The following PPDPFL variants were observed in gnomAD, a reference collection of about 807,000 sequenced individuals.
The protein encoded by PPDPFL is pancreatic progenitor cell differentiation and proliferation factor-like protein.
Under a neutral mutation model 12.6 loss-of-function variants are expected in PPDPFL, and 12 were observed. That is an observed-to-expected ratio of 0.95 (90% CI 0.61 to 1.54). The LOEUF (loss-of-function observed/expected upper bound fraction) is 1.54, where lower values mean the gene tolerates loss of function less well. PPDPFL is among the 40% of genes most tolerant of loss of function. The pLI, the probability that PPDPFL is intolerant of heterozygous loss-of-function variation, is 0.00. For synonymous variants in PPDPFL, 24 were observed against 32.7 expected (o/e 0.73, Z 0.91); for missense variants, 114 against 96.0 (o/e 1.19, Z -0.78).
At chr8:49,064,025 C>T (rs1201455796) in intron 1 of PPDPFL, among the ~76,000 whole-genome samples, 30 of 152,118 alleles carry the variant, frequency 2.0e-4, no homozygotes, top group Non-Finnish European at 1.9e-4. Context: ...AGGCATAGAG[C>T]ACTTGCCTGA....
Position 49,075,286 on chromosome 8 carries a change from A to G in PPDPFL, c.*113A>G, listed in dbSNP as rs763530199. On this transcript the variant is annotated 3_prime_UTR_variant, in exon 5 of 5. Coordinates refer to ENST00000522267, the MANE Select transcript of PPDPFL (RefSeq NM_001256597.2). The stretch of plus-strand genomic sequence containing the variant: ...GATCCTCTGCCTGCTGCAGTGGTCC[A>G]TACATGAACAGCTCCCCTTCAGCGC... 8 of 1,611,472 alleles carry G rather than the reference A, an allele frequency of 5.0e-6. No individual in the cohort carries two copies. The South Asian group carries it at 6.6e-5, about 13-fold the overall frequency.
intron 1 of PPDPFL, among the ~76,000 whole-genome samples, chr8:49,066,643 G>A (rs1051913097): frequency 1.3e-5 from 2 of 152,150 alleles, no homozygotes; most frequent in Non-Finnish European, 2.9e-5. Context: ...ATTTTCTGGA[G>A]AACATACTGT....
At chr8:49,059,775 A>G (rs998319014) in intron 1 of PPDPFL, among the ~76,000 whole-genome samples, 2 of 152,256 alleles carry the variant, frequency 1.3e-5, no homozygotes, top group East Asian at 1.9e-4. Context: ...ATCTTGTTAC[A>G]TAAAACTATC....
At chr8:49,066,446 A>G (rs545211691) in intron 1 of PPDPFL, among the ~76,000 whole-genome samples, 64 of 152,128 alleles carry the variant, frequency 4.2e-4, no homozygotes, top group Admixed American at 2.7e-3. Context: ...GGTTCTTGTC[A>G]TTTTCTAAGC....
rs1808408886 is a variant in PPDPFL, at chr8:49,072,490, ACTAC to A, written c.-45+11_-45+14del. 2 of 172,414 alleles carry A rather than the reference ACTAC, an allele frequency of 1.2e-5. No individual in the cohort carries two copies. The highest frequency in any genetic ancestry group is 6.4e-5 in the Admixed American group (1 of 15,740). The allele number at this position is 172,414 out of a possible 1,614,324, so 10.7% of individuals were successfully genotyped here. ...ATTGGAGAAAACAAATCGGTGAGTG[ACTAC>A]CTCATGGCTGAGTTAACACTTCTCT... is the stretch of plus-strand genomic sequence containing the variant. On this transcript the variant is annotated intron_variant, in intron 1 of 4. Transcript: ENST00000522267.
At chr8:49,075,017 T>G (rs562800163) in intron 4 of PPDPFL, 135 bp from the exon 5 acceptor site, 1 of 1,423,804 alleles carries the variant, frequency 7.0e-7, no homozygotes, top group Non-Finnish European at 9.4e-7. Context: ...TAAAGTATTT[T>G]TAAAAGCCAA....
Position 49,072,856 on chromosome 8 carries a change from G to T in PPDPFL, c.26G>T (p.Cys9Phe). 1 of 1,606,416 alleles carries T rather than the reference G, an allele frequency of 6.2e-7. No individual in the cohort carries two copies. ...ATGGCATCCGTACCTTCCATTGGTT[G>T]CCTTCTAGCCAGAAATCAGTATTAT... The part of the protein sequence containing the change: MASVPSIG[C>F]LLARNQYYRK... Residue 9 changes from cysteine to phenylalanine, a missense_variant, in exon 2 of 5, where the codon TGC (cysteine) becomes TTC (phenylalanine). Cys to Phe is a radical substitution (Grantham distance 205). Coordinates refer to ENST00000522267, the MANE Select transcript of PPDPFL (RefSeq NM_001256597.2).
intron 4 of PPDPFL, 23 bp from the exon 5 acceptor site, chr8:49,075,129 T>C: frequency 6.2e-7 from 1 of 1,612,206 alleles, no homozygotes; most frequent in Non-Finnish European, 8.5e-7. Flanking sequence ...CCCTCCTCTC[T>C]GACTACTATA....
chr8:49,062,060 C>T (rs775187431), intron 1 of PPDPFL, among the ~76,000 whole-genome samples: 11 of 152,332 alleles, frequency 7.2e-5, no homozygotes, highest in Non-Finnish European at 1.5e-4. Context: ...GGACAAATAA[C>T]CTGCATGAGT....
chr8:49,076,087 A>G lies in PPDPFL; in HGVS notation c.*914A>G, dbSNP rs1808496232. 6.6e-6 allele frequency: 1 copy of G among 152,190 alleles called. No individual in the cohort carries two copies. The highest frequency in any genetic ancestry group is 2.4e-5 in the African/African-American group (1 of 41,456). The allele number at this position is 152,190 out of a possible 1,614,324, so 9.4% of individuals were successfully genotyped here. ...TAGAAAATAATAAATGTTAATATAA[A>G]AAAGCACTGAAATTTTCTGCATAAG... On this transcript the variant is annotated 3_prime_UTR_variant, in exon 5 of 5. Coordinates refer to ENST00000522267, the MANE Select transcript of PPDPFL (RefSeq NM_001256597.2).
At chr8:49,068,950 A>G (rs961294304), upstream of PPDPFL, among the ~76,000 whole-genome samples, 39 of 152,200 alleles carry the variant, frequency 2.6e-4, no homozygotes, top group African/African-American at 8.7e-4. Flanking sequence ...AGGAAAAAAT[A>G]CAGTTAAAGG....
At position 49,075,574 on chromosome 8, in the gene PPDPFL, T is replaced by C. The variant is rs1808483243; in HGVS notation, c.*401T>C. The C allele has an allele frequency of 3.0e-6, 1 of 334,598 alleles. No individual in the cohort carries two copies. Among genetic ancestry groups the C allele is most frequent in the Non-Finnish European group, 5.5e-6 (1 of 182,312 alleles). 20.7% of individuals were successfully genotyped at this position (334,598 alleles called of 1,614,324 possible). ...TAGCTCTTTCATTTTTTATATCATT[T>C]TTATTAAAAAAACTTAAGTTAGACT... On this transcript the variant is annotated 3_prime_UTR_variant, in exon 5 of 5. Coordinates refer to ENST00000522267, the MANE Select transcript of PPDPFL (RefSeq NM_001256597.2).
At chr8:49,064,007 G>A (rs770850981) in intron 1 of PPDPFL, among the ~76,000 whole-genome samples, 6 of 152,090 alleles carry the variant, frequency 3.9e-5, no homozygotes, top group Non-Finnish European at 7.4e-5. Flanking sequence ...ATGGAGGGTT[G>A]GTCATGCAGG....
intron 1 of PPDPFL, among the ~76,000 whole-genome samples, chr8:49,061,776 T>A (rs1808209112): frequency 6.6e-6 from 1 of 152,204 alleles, no homozygotes; most frequent in Non-Finnish European, 1.5e-5. Flanking sequence ...GTGAGCTTAA[T>A]TATGAGAAGC....
intron 1 of PPDPFL, among the ~76,000 whole-genome samples, chr8:49,059,475 G>A (rs1177985157): frequency 3.9e-5 from 6 of 152,172 alleles, no homozygotes. Context: ...ATACCTTTCA[G>A]TTCAGTGTTA....
intron 1 of PPDPFL, among the ~76,000 whole-genome samples, chr8:49,061,217 A>T (rs1808196873): frequency 6.6e-6 from 1 of 152,194 alleles, no homozygotes; most frequent in Admixed American, 6.5e-5. Flanking sequence ...GGTTTTAAAG[A>T]GGTAATTACA....
chr8:49,063,429 T>C (rs1319159638), intron 1 of PPDPFL, among the ~76,000 whole-genome samples: 1 of 152,066 alleles, frequency 6.6e-6, no homozygotes, highest in East Asian at 1.9e-4. Context: ...TTTAAAGATA[T>C]AAAGAATGAG....
intron 1 of PPDPFL, among the ~76,000 whole-genome samples, chr8:49,061,494 T>C (rs4873092): frequency 0.34 from 51,257 of 151,982 alleles, 8,837 homozygotes; most frequent in Non-Finnish European, 0.37. Context: ...ATTGTCCAAA[T>C]GCCCACAGAT....
At chr8:49,057,219 G>A (rs1447421938) in intron 1 of PPDPFL, among the ~76,000 whole-genome samples, 1 of 152,056 alleles carries the variant, frequency 6.6e-6, no homozygotes, top group Admixed American at 6.6e-5. Context: ...GTTACAAAGT[G>A]TTTCACTTTA....
Sources: gnomAD v4.1 joint callset for allele counts (sites outside exome capture counted in the v4.1 genomes callset) on GRCh38, gnomAD v4.1.1 for gene constraint, MANE v1.5 for transcripts, NCBI Gene and HGNC (gene_info 2026-07-23, HGNC 2026-07-21) for gene names.